USP33: variants seen among roughly 807,000 people sequenced by gnomAD.
The protein encoded by USP33 is ubiquitin carboxyl-terminal hydrolase 33.
In USP33, 46 loss-of-function variants were observed where a neutral mutation model predicts 124.2. The observed-to-expected ratio is 0.37, with a 90% CI of 0.29 to 0.47. USP33 has a LOEUF of 0.47. USP33 is among the 20% of genes least tolerant of loss of function. The probability of loss-of-function intolerance (pLI) is 0.99; values close to 1 mark genes in which losing one functional copy is unlikely to be tolerated. For synonymous variants in USP33, 350 were observed against 352.3 expected (o/e 0.99, Z 0.07); for missense variants, 851 against 1,070.6 (o/e 0.79, Z 2.86).
intron 5 of USP33, 102 bp downstream of exon 5, chr1:77,739,163 C>A: frequency 7.4e-7 from 1 of 1,346,496 alleles, no homozygotes; most frequent in Non-Finnish European, 1.0e-6. Flanking sequence ...TTTCAAAGTA[C>A]AGGTTAGGCA....
At chr1:77,732,338 T>C (rs1482594752) in intron 7 of USP33, among the ~76,000 whole-genome samples, 1 of 152,086 alleles carries the variant, frequency 6.6e-6, no homozygotes, top group Non-Finnish European at 1.5e-5. Context: ...AAAGTGTTTA[T>C]CTCCAATTCC....
At chr1:77,751,909 CG>C (rs1395814497) in intron 1 of USP33, among the ~76,000 whole-genome samples, 1 of 151,902 alleles carries the variant, frequency 6.6e-6, no homozygotes, top group African/African-American at 2.4e-5. Flanking sequence ...AGGATGGTCT[CG>C]ATCTCTTGAC....
intron 15 of USP33, chr1:77,720,251 A>G (rs1189814691): frequency 2.2e-5 from 20 of 929,002 alleles, no homozygotes; most frequent in Admixed American, 6.2e-5. Context: ...ATATAATCAA[A>G]ATTAATATAC....
rs960517233 is a variant in USP33 at position 77,734,995 on chromosome 1, T to C, written c.455-579A>G. 5.9e-5 allele frequency among the ~76,000 whole-genome samples: 9 copies of C among 151,928 alleles called. No homozygotes were observed. The South Asian group carries it at 6.2e-4, about 11-fold the overall frequency. On this transcript the variant is annotated intron_variant, in intron 6 of 23. Transcript: ENST00000370794. Reference sequence around the variant, plus strand: ...AAAATTTGCCGGGCATGGTGGCGGGTGCCTGTAGTCCCAGCTACTCGGGAG... The same window carrying C: ...AAAATTTGCCGGGCATGGTGGCGGGCGCCTGTAGTCCCAGCTACTCGGGAG...
chr1:77,733,360 T>G (rs1321358513), intron 7 of USP33, among the ~76,000 whole-genome samples: 1 of 150,510 alleles, frequency 6.6e-6, no homozygotes, highest in Non-Finnish European at 1.5e-5. Flanking sequence ...GCCACTGCAC[T>G]CTAACCTGGG....
intron 10 of USP33, among the ~76,000 whole-genome samples, chr1:77,726,007 A>G (rs990412851): frequency 6.6e-6 from 1 of 152,194 alleles, no homozygotes; most frequent in African/African-American, 2.4e-5. Context: ...TGCAGTGCAG[A>G]GGTGCGATCT....
rs1553201505 is a variant in USP33 at position 77,748,787 on chromosome 1, C to CCA, written c.-51-7040_-51-7039insTG. ...TGGCAGCATTCCTTCCCTCCCCCCC[C>CCA]CCCCCGTGCTTGAATCAGGATTGGC... On this transcript the variant is annotated intron_variant, in intron 1 of 23. Transcript: ENST00000370794. Among the ~76,000 whole-genome samples, 15 of 118,566 alleles carry CCA rather than the reference C, an allele frequency of 1.3e-4. 1 individual carries two copies. Among genetic ancestry groups the CCA allele is most frequent in the African/African-American group, 4.7e-4 (15 of 31,740 alleles). The allele number at this position is 118,566 out of a possible 152,430, so 77.8% of individuals were successfully genotyped here. A position where few individuals can be genotyped will look rare whatever the true frequency, so the allele number is the denominator to read the frequency against.
chr1:77,754,426 T>C (rs1189959473), intron 1 of USP33, among the ~76,000 whole-genome samples: 1 of 152,190 alleles, frequency 6.6e-6, no homozygotes, highest in Admixed American at 6.5e-5. Flanking sequence ...AAGTTATCAA[T>C]GAAGAGTGCA....
intron 1 of USP33, among the ~76,000 whole-genome samples, chr1:77,752,366 T>C (rs1680419475): frequency 6.6e-6 from 1 of 150,392 alleles, no homozygotes; most frequent in African/African-American, 2.4e-5. Context: ...CTCAAACTTC[T>C]GGCCTCAAGT....
chr1:77,713,454 G>A (rs1007139458), intron 19 of USP33, 173 bp from the exon 20 acceptor site: 20 of 530,288 alleles, frequency 3.8e-5, no homozygotes, highest in Admixed American at 8.4e-5. Context: ...CATGATCATG[G>A]CTCACAGCAG....
intron 6 of USP33, among the ~76,000 whole-genome samples, chr1:77,735,109 C>T (rs1001899076): frequency 6.9e-5 from 10 of 145,690 alleles, no homozygotes; most frequent in African/African-American, 2.4e-4. Context: ...GGCAACAGAG[C>T]GAGACTCCAT....
In USP33 at chr1:77,725,717, A is replaced by T; in HGVS notation, c.1181T>A (p.Ile394Asn). 6.2e-7 allele frequency: 1 copy of T among 1,614,130 alleles called. No homozygotes were observed. The highest frequency in any genetic ancestry group is 8.5e-7 in the Non-Finnish European group (1 of 1,180,014). Residue 394 changes from isoleucine (I) to asparagine (N), a missense_variant, in exon 11 of 24, where the codon ATC becomes AAC. By Grantham distance (149) the Ile-to-Asn change is moderately radical. Coordinates refer to ENST00000370794, the MANE Select transcript of USP33 (RefSeq NM_201624.3). The stretch of plus-strand genomic sequence containing the variant: ...ATTAACACCTTCATTTGATGGAAGG[A>T]TCTGTGGTGTAGACAGGTCATTCGA... Reference protein sequence around the residue: ...VHSNDLSTPQILPSNEGVNPR... With the variant: ...VHSNDLSTPQNLPSNEGVNPR...
chr1:77,697,608 A>T, intron 23 of USP33, 134 bp from the exon 24 acceptor site: 1 of 1,112,738 alleles, frequency 9.0e-7, no homozygotes, highest in African/African-American at 1.6e-5. Flanking sequence ...GCAGACTACC[A>T]GCCCATATTG....
intron 4 of USP33, among the ~76,000 whole-genome samples, chr1:77,740,479 G>A (rs369707227): frequency 3.3e-5 from 5 of 151,596 alleles, no homozygotes; most frequent in South Asian, 2.1e-4. Flanking sequence ...TCAGCCTCCC[G>A]AGTAGCTGGG....
At position 77,717,955 on chromosome 1, in the gene USP33, A is replaced by G. The variant is rs1676112531; in HGVS notation, c.1830T>C (p.Asp610=). 6.2e-7 allele frequency: 1 copy of G among 1,613,968 alleles called. No individual in the cohort carries two copies. The highest frequency in any genetic ancestry group is 1.3e-5 in the African/African-American group (1 of 74,948). ...TATCCTTAGCAAGAAATGGCTGAAG[A>G]TCCAAGCCTTCTAGCGGAAATGAAA... ...THVSFPLEGL[D]LQPFLAKDSP... Residue 610 remains aspartate, a synonymous_variant, in exon 17 of 24, where the codon GAT becomes GAC. Coordinates refer to ENST00000370794, the MANE Select transcript of USP33 (RefSeq NM_201624.3).
At chr1:77,727,763 G>A (rs1384827832) in intron 10 of USP33, among the ~76,000 whole-genome samples, 2 of 152,144 alleles carry the variant, frequency 1.3e-5, no homozygotes, top group Non-Finnish European at 2.9e-5. Flanking sequence ...GTTAACTCTT[G>A]AAGAGATAAA....
chr1:77,750,621 TAAAAAAGAAAGA>T (rs1175023536), intron 1 of USP33, among the ~76,000 whole-genome samples: 193 of 82,698 alleles, frequency 2.3e-3, no homozygotes, highest in African/African-American at 9.2e-3. Flanking sequence ...GACCCTGACT[TAAAAAAGAAAGA>T]AAGAAAGAAA....
intron 22 of USP33, among the ~76,000 whole-genome samples, chr1:77,700,697 CTTTT>C (rs534786658): frequency 7.6e-6 from 1 of 132,150 alleles, no homozygotes; most frequent in Non-Finnish European, 1.6e-5. Flanking sequence ...ATATCAGAAT[CTTTT>C]TTTTTTTTTT....
chr1:77,754,037 A>G (rs1273682190), intron 1 of USP33, among the ~76,000 whole-genome samples: 1 of 152,156 alleles, frequency 6.6e-6, no homozygotes, highest in African/African-American at 2.4e-5. Flanking sequence ...AACTTGAGAA[A>G]GTCAGAACAG....
Sources: allele counts gnomAD v4.1 joint callset (sites outside exome capture counted in the v4.1 genomes callset), GRCh38; gene constraint gnomAD v4.1.1; transcripts MANE v1.5; gene names NCBI Gene and HGNC (gene_info 2026-07-23, HGNC 2026-07-21).